TENM2: variants seen among roughly 807,000 people sequenced by gnomAD.
TENM2 encodes teneurin-2.
In TENM2, 52 loss-of-function variants were observed where a neutral mutation model predicts 245.2. The observed-to-expected ratio is 0.21, with a 90% CI of 0.17 to 0.27. TENM2 has a LOEUF of 0.27. TENM2 is among the 10% of genes least tolerant of loss of function. The pLI is 1.00. For missense variants in TENM2, 3,046 were observed against 3,666.8 expected (o/e 0.83, Z 4.37); for synonymous variants, 1,363 against 1,438.9 (o/e 0.95, Z 1.19).
At chr5:167,691,331 T>C (rs1038478490) in intron 2 of TENM2, among the ~76,000 whole-genome samples, 1 of 152,180 alleles carries the variant, frequency 6.6e-6, no homozygotes. Flanking sequence ...CTCTGCATCT[T>C]GGCTCATGAG....
chr5:167,727,339 C>T (rs982261147), intron 2 of TENM2, among the ~76,000 whole-genome samples: 4 of 152,082 alleles, frequency 2.6e-5, no homozygotes, highest in Non-Finnish European at 5.9e-5. Context: ...GTCTCGATCC[C>T]CTGACCTCGT....
At chr5:167,734,996 G>A (rs888625150) in intron 2 of TENM2, among the ~76,000 whole-genome samples, 1 of 152,174 alleles carries the variant, frequency 6.6e-6, no homozygotes, top group African/African-American at 2.4e-5. Flanking sequence ...CAAGTATCTG[G>A]ATGTTTAGGG....
Position 167,395,694 on chromosome 5 carries a change from A to G in TENM2, c.502+20221A>G, listed in dbSNP as rs1762011151. On this transcript the variant is annotated intron_variant, in intron 2 of 28. Transcript: ENST00000518659. ...CTTGGAAATTGTAACTTTAAGGAAA[A>G]CAAAGTGCAGTGACTCTTGAATGAT... Among the ~76,000 whole-genome samples the G allele has an allele frequency of 2.6e-5, 4 of 152,180 alleles. No individual in the cohort carries two copies. The South Asian group carries it at 6.2e-4, about 24-fold the overall frequency.
At chr5:168,141,801 T>C (rs1354987485) in intron 12 of TENM2, among the ~76,000 whole-genome samples, 8 of 152,232 alleles carry the variant, frequency 5.3e-5, no homozygotes, top group Non-Finnish European at 1.5e-5. Flanking sequence ...ATGAAAACCG[T>C]ACAGGCTTTC....
chr5:167,058,764 G>A, the TENM2 span, among the ~76,000 whole-genome samples: 5 of 151,600 alleles, frequency 3.3e-5, no homozygotes, highest in Admixed American at 6.6e-5. Context: ...AGAGGGGGGC[G>A]GGGAAAAAAA....
chr5:167,865,990 A>G lies in TENM2; in HGVS notation c.503-9996A>G, dbSNP rs182111894. Among the ~76,000 whole-genome samples, 423 of 152,334 alleles carry G rather than the reference A, an allele frequency of 2.8e-3. 4 individuals are homozygous for G. Among genetic ancestry groups the G allele is most frequent in the Non-Finnish European group, 3.0e-3 (205 of 68,028 alleles). On this transcript the variant is annotated intron_variant, in intron 2 of 28. Coordinates refer to ENST00000518659, the Ensembl canonical transcript of TENM2. Reference sequence around the variant, plus strand: ...ATGTACAGGCTCTGTACTGGGTGCTAGGATACAAAGATGTGTATAGTGTAT... The same window carrying G: ...ATGTACAGGCTCTGTACTGGGTGCTGGGATACAAAGATGTGTATAGTGTAT...
At chr5:167,493,768 A>G (rs1768598471) in intron 2 of TENM2, among the ~76,000 whole-genome samples, 1 of 152,108 alleles carries the variant, frequency 6.6e-6, no homozygotes, top group Non-Finnish European at 1.5e-5. Context: ...TTTATTCGGC[A>G]TATATGTTCA....
intron 2 of TENM2, among the ~76,000 whole-genome samples, chr5:167,843,838 T>C (rs1769779680): frequency 6.6e-6 from 1 of 152,192 alleles, no homozygotes; most frequent in South Asian, 2.1e-4. Flanking sequence ...CTTTCAACTA[T>C]AGGAGATGAT....
At chr5:167,513,183 T>C (rs55710701) in intron 2 of TENM2, among the ~76,000 whole-genome samples, 14,291 of 152,194 alleles carry the variant, frequency 0.094, 744 homozygotes, top group South Asian at 0.22. Flanking sequence ...ATGGTTTACT[T>C]TGAGCTCTCT....
At chr5:167,189,106 C>T in the TENM2 span, among the ~76,000 whole-genome samples, 25 of 152,054 alleles carry the variant, frequency 1.6e-4, no homozygotes, top group Middle Eastern at 3.4e-3. Context: ...GGAAAATGAC[C>T]ACAGAAATAA....
At chr5:167,885,995 C>G (rs1196704318) in intron 3 of TENM2, among the ~76,000 whole-genome samples, 3 of 152,204 alleles carry the variant, frequency 2.0e-5, no homozygotes, top group Non-Finnish European at 4.4e-5. Flanking sequence ...CAAGCCCTTT[C>G]TAACATTCTT....
the TENM2 span, among the ~76,000 whole-genome samples, chr5:167,271,548 C>A: frequency 6.6e-6 from 1 of 152,170 alleles, no homozygotes; most frequent in Non-Finnish European, 1.5e-5. Context: ...AACACATAAG[C>A]TTGCACTATC....
chr5:167,377,347 A>G (rs189478958), intron 2 of TENM2, among the ~76,000 whole-genome samples: 67 of 152,294 alleles, frequency 4.4e-4, no homozygotes, highest in African/African-American at 1.6e-3. Flanking sequence ...ACTAGTTGCA[A>G]TGCAGTCAGA....
chr5:167,375,079 A>G (rs1486182375), intron 1 of TENM2, 119 bp from the exon 4 acceptor site: 7 of 988,750 alleles, frequency 7.1e-6, no homozygotes, highest in Non-Finnish European at 1.1e-5. Flanking sequence ...TCTGTACACC[A>G]TGGTGAATTT....
chr5:167,770,016 T>A (rs559750575), intron 2 of TENM2, among the ~76,000 whole-genome samples: 2 of 152,312 alleles, frequency 1.3e-5, no homozygotes, highest in South Asian at 4.1e-4. Flanking sequence ...CTTCCCAGTG[T>A]CTAGTGATCC....
the TENM2 span, among the ~76,000 whole-genome samples, chr5:167,188,876 A>G: frequency 1.3e-5 from 2 of 152,294 alleles, no homozygotes; most frequent in East Asian, 3.9e-4. Context: ...CTATGCAGGG[A>G]GAAATTATTC....
intron 8 of TENM2, among the ~76,000 whole-genome samples, chr5:168,091,706 A>G (rs1041333291): frequency 1.3e-5 from 2 of 152,206 alleles, no homozygotes; most frequent in East Asian, 3.8e-4. Context: ...TGGAAATGGC[A>G]TGGGCTTCTG....
chr5:167,214,889 A>G, the TENM2 span, among the ~76,000 whole-genome samples: 4 of 152,110 alleles, frequency 2.6e-5, no homozygotes, highest in Non-Finnish European at 5.9e-5. Context: ...GTGTATTTTC[A>G]TCTTGTCCCT....
At chr5:167,426,813 G>C (rs1460915805) in intron 2 of TENM2, among the ~76,000 whole-genome samples, 1 of 151,510 alleles carries the variant, frequency 6.6e-6, no homozygotes, top group Non-Finnish European at 1.5e-5. Flanking sequence ...GTGAATTCTA[G>C]AAGAAAAAAA....
Sources: allele counts gnomAD v4.1 joint callset (sites outside exome capture counted in the v4.1 genomes callset), GRCh38; gene constraint gnomAD v4.1.1; transcripts MANE v1.5; gene names NCBI Gene and HGNC (gene_info 2026-07-23, HGNC 2026-07-21).